The following SKAP2 variants were observed in gnomAD, a reference collection of about 807,000 sequenced individuals.
The protein encoded by SKAP2 is src kinase-associated phosphoprotein 2.
SKAP2 carries 28 observed loss-of-function variants against 54.9 expected under a neutral mutation model. That is an observed-to-expected ratio of 0.51 (90% CI 0.38 to 0.70). SKAP2 has a LOEUF of 0.70. SKAP2 is among the 30% of genes least tolerant of loss of function. The pLI, the probability that SKAP2 is intolerant of heterozygous loss-of-function variation, is 0.00. For synonymous variants in SKAP2, 137 were observed against 134.3 expected (o/e 1.02, Z -0.14); for missense variants, 356 against 424.1 (o/e 0.84, Z 1.41).
chr7:26,816,135 T>C (rs1252849131), intron 4 of SKAP2, among the ~76,000 whole-genome samples: 1 of 152,102 alleles, frequency 6.6e-6, no homozygotes, highest in Non-Finnish European at 1.5e-5. Context: ...TTTTTGCTTA[T>C]AAAAAGAAGC....
intron 4 of SKAP2, among the ~76,000 whole-genome samples, chr7:26,814,993 T>C (rs986905698): frequency 5.3e-5 from 8 of 152,142 alleles, no homozygotes. Flanking sequence ...TTTTAATTAC[T>C]GAAACTCAGA....
In SKAP2 at chr7:26,710,569, G is replaced by A. The variant is rs79653708; in HGVS notation, c.796+14859C>T. On this transcript the variant is annotated intron_variant, in intron 9 of 12. Transcript: ENST00000345317. ...GAGGTTGGAAATGTATGGGATATGC[G>A]TGGGGAAAATAAAGAGCAAGTCAGC... 5.3e-3 allele frequency among the ~76,000 whole-genome samples: 810 copies of A among 152,216 alleles called. 7 individuals carry two copies. Among genetic ancestry groups the A allele is most frequent in the African/African-American group, 0.019 (770 of 41,550 alleles).
chr7:26,672,520 T>C (rs1316406716), intron 11 of SKAP2, among the ~76,000 whole-genome samples: 1 of 151,948 alleles, frequency 6.6e-6, no homozygotes, highest in Non-Finnish European at 1.5e-5. Context: ...TTTAAAATAA[T>C]TGAAAAACAT....
At chr7:26,815,127 A>G (rs1342558083) in intron 4 of SKAP2, among the ~76,000 whole-genome samples, 1 of 152,146 alleles carries the variant, frequency 6.6e-6, no homozygotes. Context: ...TTAAGGGGAT[A>G]AAGTATTACT....
At chr7:26,801,397 T>C (rs1052773712) in intron 4 of SKAP2, among the ~76,000 whole-genome samples, 19 of 152,190 alleles carry the variant, frequency 1.2e-4, no homozygotes, top group African/African-American at 4.3e-4. Flanking sequence ...CTACAGCTAG[T>C]ATCATACTGA....
chr7:26,862,475 G>A (rs755696939), intron 1 of SKAP2, among the ~76,000 whole-genome samples: 4 of 151,914 alleles, frequency 2.6e-5, no homozygotes, highest in Non-Finnish European at 4.4e-5. Flanking sequence ...AATACTTCAT[G>A]TGTGTTTTAA....
At position 26,845,941 on chromosome 7, in the gene SKAP2, A is replaced by AT. The variant is rs1233147022; in HGVS notation, c.200-1805dup. Reference sequence around the variant, plus strand: ...ACCAAGACCCCATCTCTAAAAAAAAATTTTTTTAACAAAAGAAGAGTGCTC... The same window carrying AT: ...ACCAAGACCCCATCTCTAAAAAAAAATTTTTTTTAACAAAAGAAGAGTGCTC... On this transcript the variant is annotated intron_variant, in intron 3 of 12. Transcript: ENST00000345317. Among the ~76,000 whole-genome samples, 36 of 152,136 alleles carry AT rather than the reference A, an allele frequency of 2.4e-4. No homozygotes were observed. The Middle Eastern group carries it at 0.01, about 43-fold the overall frequency.
chr7:26,847,953 G>A (rs1343978485), intron 3 of SKAP2: 1 of 152,056 alleles, frequency 6.6e-6, no homozygotes, highest in African/African-American at 2.4e-5. Flanking sequence ...TTTAATTAAC[G>A]ATACAAAGTT....
chr7:26,694,262 T>TA (rs1288981859), intron 9 of SKAP2, among the ~76,000 whole-genome samples: 1 of 152,188 alleles, frequency 6.6e-6, no homozygotes, highest in Non-Finnish European at 1.5e-5. Context: ...ACAGCTCAGC[T>TA]ATGCAGTAAA....
chr7:26,739,634 A>C (rs769049220), intron 5 of SKAP2, among the ~76,000 whole-genome samples: 23 of 152,240 alleles, frequency 1.5e-4, no homozygotes, highest in Admixed American at 6.5e-5. Flanking sequence ...TTTGAGAGGC[A>C]GGAAACAGCT....
chr7:26,719,307 G>A lies in SKAP2; in HGVS notation c.796+6121C>T, dbSNP rs1481774496. ...GCTCCTCTTCACGGATCCCCTTGGA[G>A]GGCTGCCTCCAAGACTTCCCGTCTA... On this transcript the variant is annotated intron_variant, in intron 9 of 12. Transcript: ENST00000345317. Among the ~76,000 whole-genome samples the A allele has an allele frequency of 1.3e-5, 2 of 152,184 alleles. 1 individual carries two copies. Among genetic ancestry groups the A allele is most frequent in the Non-Finnish European group, 2.9e-5 (2 of 68,036 alleles).
intron 4 of SKAP2, among the ~76,000 whole-genome samples, chr7:26,835,354 A>T (rs545336568): frequency 6.6e-6 from 1 of 152,338 alleles, no homozygotes; most frequent in South Asian, 2.1e-4. Flanking sequence ...CAGGGCAATC[A>T]GGCAAGAGAA....
chr7:26,812,268 T>C (rs1784162800), intron 4 of SKAP2, among the ~76,000 whole-genome samples: 1 of 152,174 alleles, frequency 6.6e-6, no homozygotes, highest in African/African-American at 2.4e-5. Context: ...TACTGATATA[T>C]CCTAAGGTCC....
At chr7:26,810,632 A>G (rs1036889395) in intron 4 of SKAP2, among the ~76,000 whole-genome samples, 1 of 152,220 alleles carries the variant, frequency 6.6e-6, no homozygotes, top group African/African-American at 2.4e-5. Context: ...TCTAAAATGT[A>G]TACACATATC....
At chr7:26,688,828 T>C (rs1011077773) in intron 10 of SKAP2, among the ~76,000 whole-genome samples, 4 of 152,204 alleles carry the variant, frequency 2.6e-5, no homozygotes, top group Non-Finnish European at 5.9e-5. Context: ...ACCATCTGTA[T>C]GTATCCACTT....
intron 9 of SKAP2, 136 bp downstream of exon 9, chr7:26,725,292 T>C: frequency 1.8e-6 from 1 of 541,350 alleles, no homozygotes; most frequent in East Asian, 3.1e-5. Context: ...GAAGATATTC[T>C]TTGTCCTTGT....
At chr7:26,758,768 T>C (rs1014511694) in intron 4 of SKAP2, among the ~76,000 whole-genome samples, 2 of 152,224 alleles carry the variant, frequency 1.3e-5, no homozygotes, top group Admixed American at 1.3e-4. Context: ...ATTTTTAGAG[T>C]AATAAAAAGT....
chr7:26,696,829 G>A (rs751143597), intron 9 of SKAP2, among the ~76,000 whole-genome samples: 4 of 152,028 alleles, frequency 2.6e-5, no homozygotes, highest in Non-Finnish European at 4.4e-5. Context: ...CAGGAGGATC[G>A]CTTAACAGTT....
At chr7:26,830,426 A>G (rs570270963) in intron 4 of SKAP2, among the ~76,000 whole-genome samples, 11 of 152,284 alleles carry the variant, frequency 7.2e-5, no homozygotes, top group African/African-American at 2.6e-4. Context: ...CAATAAAGTG[A>G]GTAAAAAAAA....
Sources: allele counts gnomAD v4.1 joint callset (sites outside exome capture counted in the v4.1 genomes callset), GRCh38; gene constraint gnomAD v4.1.1; transcripts MANE v1.5; gene names NCBI Gene and HGNC (gene_info 2026-07-23, HGNC 2026-07-21).